The following LOC128706666 variants were observed in gnomAD, a reference collection of about 807,000 sequenced individuals.
the LOC128706666 span, among the ~76,000 whole-genome samples, chr20:10,415,611 A>G: frequency 6.6e-6 from 1 of 152,224 alleles, no homozygotes; most frequent in African/African-American, 2.4e-5. Flanking sequence ...GCTATTACAG[A>G]TTCAGCAAAA....
chr20:10,423,071 C>A, the LOC128706666 span, among the ~76,000 whole-genome samples: 2 of 151,966 alleles, frequency 1.3e-5, no homozygotes, highest in African/African-American at 4.8e-5. Flanking sequence ...TCTCCATGAT[C>A]ATTAACATAA....
chr20:10,432,789 CAAAAAAAA>C, the LOC128706666 span, among the ~76,000 whole-genome samples: 7,489 of 74,646 alleles, frequency 0.1, 300 homozygotes, highest in Middle Eastern at 0.19. Flanking sequence ...GACTCTTTGT[CAAAAAAAA>C]AAAAAAAAAA....
the LOC128706666 span, among the ~76,000 whole-genome samples, chr20:10,417,479 C>T: frequency 3.3e-5 from 5 of 152,082 alleles, no homozygotes; most frequent in Middle Eastern, 3.2e-3. Context: ...GGTGTGGTGG[C>T]GGATGCCTAT....
the LOC128706666 span, among the ~76,000 whole-genome samples, chr20:10,416,223 T>C: frequency 2.0e-5 from 3 of 152,108 alleles, no homozygotes; most frequent in Non-Finnish European, 4.4e-5. Context: ...TTCTTCTAAA[T>C]TAAGAGGTGC....
At chr20:10,426,498 T>G in the LOC128706666 span, among the ~76,000 whole-genome samples, 1 of 150,134 alleles carries the variant, frequency 6.7e-6, no homozygotes, top group South Asian at 2.1e-4. Context: ...ATGCCAGATT[T>G]AAGGGATTCT....
chr20:10,414,218 T>C, the LOC128706666 span, among the ~76,000 whole-genome samples: 1 of 151,510 alleles, frequency 6.6e-6, no homozygotes, highest in South Asian at 2.1e-4. Flanking sequence ...GGCATGCTTC[T>C]AGGAGAGAAA....
chr20:10,433,593 G>A, the LOC128706666 span, among the ~76,000 whole-genome samples: 2 of 152,212 alleles, frequency 1.3e-5, no homozygotes, highest in Non-Finnish European at 2.9e-5. Flanking sequence ...TGACCTTAGA[G>A]GGTCATCCCT....
the LOC128706666 span, chr20:10,434,132 C>CCAGGCCGCCA: frequency 0.061 from 9,303 of 152,674 alleles, 325 homozygotes; most frequent in Admixed American, 0.084. Flanking sequence ...TCGCGCCGCC[C>CCAGGCCGCCA]CAGGCCGCCA....
the LOC128706666 span, among the ~76,000 whole-genome samples, chr20:10,417,188 T>C: frequency 2.7e-5 from 4 of 147,920 alleles, no homozygotes; most frequent in African/African-American, 1.0e-4. Context: ...AAGGCAGAGG[T>C]TGCAGTGAGC....
At chr20:10,433,931 G>A in the LOC128706666 span, among the ~76,000 whole-genome samples, 5 of 152,192 alleles carry the variant, frequency 3.3e-5, no homozygotes, top group African/African-American at 1.2e-4. Context: ...TATTTCAGAG[G>A]TCGGTCTTTC....
the LOC128706666 span, among the ~76,000 whole-genome samples, chr20:10,416,416 C>T: frequency 6.0e-5 from 9 of 151,218 alleles, no homozygotes; most frequent in African/African-American, 1.2e-4. Context: ...ATCACAAGGA[C>T]AAAGGAAAAA....
the LOC128706666 span, among the ~76,000 whole-genome samples, chr20:10,422,488 T>A: frequency 1.3e-5 from 2 of 152,010 alleles, no homozygotes; most frequent in African/African-American, 4.8e-5. Flanking sequence ...GGGGGAGGAA[T>A]TTAGAGTAAG....
chr20:10,421,432 A>AG, the LOC128706666 span, among the ~76,000 whole-genome samples: 4 of 147,012 alleles, frequency 2.7e-5, no homozygotes, highest in African/African-American at 1.0e-4. Flanking sequence ...AAAAAAAAAA[A>AG]AAATTACATT....
the LOC128706666 span, among the ~76,000 whole-genome samples, chr20:10,423,292 G>A: frequency 1.3e-5 from 2 of 152,086 alleles, no homozygotes; most frequent in Non-Finnish European, 2.9e-5. Context: ...GGTGGCGCAC[G>A]CCTGTAGTTC....
At chr20:10,431,948 C>CGT in the LOC128706666 span, 1,966 of 152,000 alleles carry the variant, frequency 0.013, 28 homozygotes, top group African/African-American at 0.037. Flanking sequence ...TTCTCTAGCA[C>CGT]GTGATTCCTT....
the LOC128706666 span, among the ~76,000 whole-genome samples, chr20:10,432,371 C>T: frequency 8.3e-4 from 127 of 152,336 alleles, no homozygotes; most frequent in African/African-American, 2.6e-3. Flanking sequence ...TCTCAGGAAA[C>T]CCAACCTAGG....
At chr20:10,427,684 G>C in the LOC128706666 span, among the ~76,000 whole-genome samples, 1 of 152,228 alleles carries the variant, frequency 6.6e-6, no homozygotes, top group African/African-American at 2.4e-5. Context: ...GAAATGAACT[G>C]ACATGGTAAA....
At chr20:10,429,589 C>T in the LOC128706666 span, among the ~76,000 whole-genome samples, 3 of 152,150 alleles carry the variant, frequency 2.0e-5, no homozygotes, top group Admixed American at 6.5e-5. Flanking sequence ...TTTCCTGTTT[C>T]GTTAACAAAA....
chr20:10,432,549 T>G, the LOC128706666 span, among the ~76,000 whole-genome samples: 2 of 152,078 alleles, frequency 1.3e-5, no homozygotes, highest in Non-Finnish European at 2.9e-5. Context: ...TCCCAGCACT[T>G]TGGGATGCCG....
Sources: allele counts gnomAD v4.1 joint callset (sites outside exome capture counted in the v4.1 genomes callset), GRCh38; gene constraint gnomAD v4.1.1; transcripts MANE v1.5.